Variants in TSC22D1 observed in about 807,000 individuals in gnomAD.
TSC22D1 encodes TSC22 domain family member 1, also known as TSC22 domain family protein 1.
A neutral mutation model predicts 74.2 loss-of-function variants in TSC22D1; 9 were observed. The ratio of observed to expected loss-of-function variants is 0.12; its 90% CI spans 0.07 to 0.21. The LOEUF (loss-of-function observed/expected upper bound fraction) is 0.21, where lower values mean the gene tolerates loss of function less well. Ranked by LOEUF, TSC22D1 falls within the 10% of genes least tolerant of loss-of-function variation. TSC22D1 has a pLI of 1.00. For synonymous variants in TSC22D1, 586 were observed against 492.5 expected (o/e 1.19, Z -2.51); for missense variants, 1,427 against 1,304.7 (o/e 1.09, Z -1.44).
chr13:44,534,345 CTG>C (rs1394849245), intron 1 of TSC22D1, among the ~76,000 whole-genome samples: 1 of 142,388 alleles, frequency 7.0e-6, no homozygotes, highest in African/African-American at 2.7e-5. Context: ...CTAGGTGACA[CTG>C]TGAGACCCCG....
chr13:44,450,505 G>T (rs1273262596), intron 1 of TSC22D1, among the ~76,000 whole-genome samples: 1 of 152,170 alleles, frequency 6.6e-6, no homozygotes, highest in Non-Finnish European at 1.5e-5. Context: ...GGGGTAAAAG[G>T]AAGGAAATAA....
intron 1 of TSC22D1, among the ~76,000 whole-genome samples, chr13:44,494,375 CAAAAAAAAAAAAAAA>C (rs57468850): frequency 5.7e-4 from 15 of 26,474 alleles, no homozygotes; most frequent in Admixed American, 1.6e-3. Context: ...GACTCCGTAT[CAAAAAAAAAAAAAAA>C]AAAAAAAAAA....
intron 1 of TSC22D1, among the ~76,000 whole-genome samples, chr13:44,549,800 G>GAA: frequency 6.8e-6 from 1 of 146,258 alleles, no homozygotes; most frequent in South Asian, 2.1e-4. Context: ...AAAAGAAGAA[G>GAA]GCGGCGGCGG....
At chr13:44,540,976 T>C (rs527780830) in intron 1 of TSC22D1, among the ~76,000 whole-genome samples, 1 of 152,206 alleles carries the variant, frequency 6.6e-6, no homozygotes, top group Non-Finnish European at 1.5e-5. Flanking sequence ...TTCTACGGAG[T>C]ACAGTCAGTC....
At chr13:44,519,989 A>G (rs1880232620) in intron 1 of TSC22D1, among the ~76,000 whole-genome samples, 2 of 152,206 alleles carry the variant, frequency 1.3e-5, no homozygotes, top group Non-Finnish European at 2.9e-5. Flanking sequence ...CTCCCAAAAG[A>G]AAACCAGATT....
At chr13:44,549,392 C>A (rs1407339390) in intron 1 of TSC22D1, among the ~76,000 whole-genome samples, 1 of 151,932 alleles carries the variant, frequency 6.6e-6, no homozygotes, top group Non-Finnish European at 1.5e-5. Context: ...AGCAATTGAG[C>A]CTAAAGTGAC....
intron 1 of TSC22D1, among the ~76,000 whole-genome samples, chr13:44,517,857 A>ATATTTT (rs10627677): frequency 2.5e-4 from 4 of 16,176 alleles, no homozygotes; most frequent in South Asian, 2.3e-3. Context: ...ATATATATAT[A>ATATTTT]TTTTTTTTTT....
intron 1 of TSC22D1, among the ~76,000 whole-genome samples, chr13:44,540,319 G>A (rs1338005730): frequency 6.6e-6 from 1 of 152,104 alleles, no homozygotes; most frequent in Non-Finnish European, 1.5e-5. Flanking sequence ...AAAAGAAGAT[G>A]GACTGAAAAG....
chr13:44,536,582 G>T, intron 1 of TSC22D1: 1 of 295,454 alleles, frequency 3.4e-6, no homozygotes, highest in Non-Finnish European at 5.0e-6. Flanking sequence ...CAGTTCTTAT[G>T]AATTGCATAG....
intron 1 of TSC22D1, among the ~76,000 whole-genome samples, chr13:44,449,687 AAAT>A (rs139040679): frequency 0.099 from 15,126 of 152,206 alleles, 778 homozygotes; most frequent in Non-Finnish European, 0.1. Flanking sequence ...AATGCGATGA[AAAT>A]AATAAAGTGC....
At chr13:44,493,009 C>T (rs191160728) in intron 1 of TSC22D1, among the ~76,000 whole-genome samples, 2 of 152,178 alleles carry the variant, frequency 1.3e-5, no homozygotes, top group East Asian at 1.9e-4. Context: ...AAATCACCCA[C>T]GGGAGTAATG....
At chr13:44,551,119 G>GC (rs1406750302) in intron 1 of TSC22D1, among the ~76,000 whole-genome samples, 12 of 151,660 alleles carry the variant, frequency 7.9e-5, no homozygotes, top group Admixed American at 6.6e-4. Flanking sequence ...AAAAACAAAA[G>GC]CAAGAATTAG....
At chr13:44,517,847 ATATATATATATTTTT>A (rs1880108955) in intron 1 of TSC22D1, among the ~76,000 whole-genome samples, 1 of 24,042 alleles carries the variant, frequency 4.2e-5, no homozygotes, top group African/African-American at 8.7e-5. Flanking sequence ...ATATATATAT[ATATATATATATTTTT>A]TTTTTTTTTT....
intron 1 of TSC22D1, among the ~76,000 whole-genome samples, chr13:44,560,371 C>T (rs1217463172): frequency 6.6e-6 from 1 of 152,104 alleles, no homozygotes; most frequent in African/African-American, 2.4e-5. Context: ...CTACAAAATA[C>T]CTTATGCAGA....
intron 1 of TSC22D1, among the ~76,000 whole-genome samples, chr13:44,498,617 A>G (rs1325394193): frequency 1.3e-5 from 2 of 152,196 alleles, no homozygotes; most frequent in Admixed American, 6.5e-5. Context: ...ACTTTATCAT[A>G]CTTCTGTCTC....
chr13:44,500,843 C>G (rs1228110470), intron 1 of TSC22D1, among the ~76,000 whole-genome samples: 1 of 152,084 alleles, frequency 6.6e-6, no homozygotes, highest in Non-Finnish European at 1.5e-5. Context: ...CACCACCATG[C>G]CTGGCTAATT....
chr13:44,436,360 G>GT (rs771192902), intron 1 of TSC22D1: 407 of 1,206,740 alleles, frequency 3.4e-4, no homozygotes, highest in Non-Finnish European at 4.6e-4. Flanking sequence ...CAAAAATAAG[G>GT]TTTTTTAACA....
chr13:44,547,936 C>T (rs1881938298), intron 1 of TSC22D1, among the ~76,000 whole-genome samples: 2 of 152,184 alleles, frequency 1.3e-5, no homozygotes, highest in African/African-American at 2.4e-5. Context: ...ACTACAGGAA[C>T]TTGCCACTGT....
At chr13:44,446,424 G>A (rs55633498) in intron 1 of TSC22D1, among the ~76,000 whole-genome samples, 11,501 of 152,102 alleles carry the variant, frequency 0.076, 554 homozygotes, top group Non-Finnish European at 0.1. Flanking sequence ...GTGGTGTTAT[G>A]CCCACTGTTT....
Sources: allele counts gnomAD v4.1 joint callset (sites outside exome capture counted in the v4.1 genomes callset), GRCh38; gene constraint gnomAD v4.1.1; transcripts MANE v1.5; gene names NCBI Gene and HGNC (gene_info 2026-07-23, HGNC 2026-07-21).